The following VAV3 variants were observed in gnomAD, a reference collection of about 807,000 sequenced individuals.
VAV3 encodes guanine nucleotide exchange factor VAV3.
A neutral mutation model predicts 131.2 loss-of-function variants in VAV3; 94 were observed. The observed-to-expected ratio is 0.72, with a 90% CI of 0.61 to 0.85. The LOEUF (loss-of-function observed/expected upper bound fraction) is 0.85, where lower values mean the gene tolerates loss of function less well. Ranked by LOEUF, VAV3 falls within the 40% of genes least tolerant of loss-of-function variation. The pLI, the probability that VAV3 is intolerant of heterozygous loss-of-function variation, is 0.00. For missense variants in VAV3, 939 were observed against 1,002.7 expected (o/e 0.94, Z 0.86); for synonymous variants, 349 against 342.0 (o/e 1.02, Z -0.22).
intron 2 of VAV3, among the ~76,000 whole-genome samples, chr1:107,804,453 T>C (rs1032892047): frequency 2.0e-5 from 3 of 152,212 alleles, no homozygotes; most frequent in African/African-American, 4.8e-5. Context: ...AAAAATCTTG[T>C]AGACATAACA....
At chr1:107,775,287 A>C (rs1665289958) in intron 4 of VAV3, among the ~76,000 whole-genome samples, 1 of 152,168 alleles carries the variant, frequency 6.6e-6, no homozygotes, top group Non-Finnish European at 1.5e-5. Context: ...GTATGGGTTA[A>C]AAAAGAATAT....
At chr1:107,785,635 C>T (rs1328201520) in intron 2 of VAV3, 21 of 1,135,042 alleles carry the variant, frequency 1.9e-5, no homozygotes, top group Admixed American at 5.5e-5. Flanking sequence ...AGGATCAGAG[C>T]AAGTGCCCTG....
chr1:107,796,242 ATGGTCTC>A, intron 2 of VAV3, among the ~76,000 whole-genome samples: 1 of 152,218 alleles, frequency 6.6e-6, no homozygotes, highest in Admixed American at 6.5e-5. Context: ...GCCAGGTCAC[ATGGTCTC>A]TGGGCCCCAG....
intron 25 of VAV3, among the ~76,000 whole-genome samples, chr1:107,575,696 C>G (rs1044038775): frequency 5.9e-5 from 9 of 152,168 alleles, no homozygotes; most frequent in African/African-American, 2.2e-4. Context: ...CCTAACCCCT[C>G]AAGGCCACAT....
intron 17 of VAV3, among the ~76,000 whole-genome samples, chr1:107,699,041 C>T (rs1659921301): frequency 1.3e-5 from 2 of 152,128 alleles, no homozygotes. Flanking sequence ...CTGGCCCCTC[C>T]CAAAACTCAC....
chr1:107,908,408 T>C (rs1192941488), intron 1 of VAV3, among the ~76,000 whole-genome samples: 3 of 152,200 alleles, frequency 2.0e-5, no homozygotes, highest in African/African-American at 7.2e-5. Flanking sequence ...ATTACCAATC[T>C]TCCTTCCCTA....
chr1:107,855,183 C>G (rs1238394676), intron 2 of VAV3, among the ~76,000 whole-genome samples: 2 of 152,168 alleles, frequency 1.3e-5, no homozygotes, highest in African/African-American at 4.8e-5. Flanking sequence ...TGCCTATGTA[C>G]CCCAAAACAA....
intron 22 of VAV3, among the ~76,000 whole-genome samples, chr1:107,608,875 T>C (rs1168387506): frequency 6.6e-6 from 1 of 152,362 alleles, no homozygotes; most frequent in East Asian, 1.9e-4. Context: ...TATTCTGATA[T>C]CTCATTTCTA....
intron 19 of VAV3, among the ~76,000 whole-genome samples, chr1:107,656,183 G>A (rs946974743): frequency 1.3e-5 from 2 of 151,992 alleles, no homozygotes; most frequent in African/African-American, 4.8e-5. Context: ...CATAATAACC[G>A]AAATATGGAA....
rs35693360 is a variant in VAV3 at position 107,891,838 on chromosome 1, CAAAAAAAAAAAA to C, written c.205-16833_205-16822del. Among the ~76,000 whole-genome samples the C allele has an allele frequency of 5.0e-4, 14 of 27,926 alleles. No individual in the cohort carries two copies. The East Asian group carries it at 0.012, about 23-fold the overall frequency. 18.3% of individuals were successfully genotyped at this position (27,926 alleles called of 152,430 possible). A position where few individuals can be genotyped will look rare whatever the true frequency, so the allele number is the denominator to read the frequency against. On this transcript the variant is annotated intron_variant, in intron 1 of 26. Coordinates refer to ENST00000370056, the MANE Select transcript of VAV3 (RefSeq NM_006113.5). ...TGGGGGACACAGCAAGACTCCGTCTCAAAAAAAAAAAAAAAAAAAAAAAAAAGAGCTCAGGGG... is the reference window on the plus strand; with the variant it reads ...TGGGGGACACAGCAAGACTCCGTCTCAAAAAAAAAAAAAAGAGCTCAGGGG...
rs560259475 is a variant in VAV3 at position 107,581,679 on chromosome 1, A to G, written c.2351-7481T>C. ...AGAAAAAGAACACAGTGTTTATGGT[A>G]GGATAAAAAAGTACTAGTGACTGGA... On this transcript the variant is annotated intron_variant, in intron 25 of 26. Transcript: ENST00000370056. Among the ~76,000 whole-genome samples, 3 of 152,344 alleles carry G rather than the reference A, an allele frequency of 2.0e-5. No homozygotes were observed. In the South Asian group the frequency reaches 6.2e-4, roughly 32 times the overall value.
chr1:107,668,901 G>C (rs543037906), intron 19 of VAV3: 1 of 986,432 alleles, frequency 1.0e-6, no homozygotes, highest in South Asian at 4.7e-5. Context: ...GAGGCATGCT[G>C]TAACAGTTAG....
intron 15 of VAV3, among the ~76,000 whole-genome samples, chr1:107,735,093 G>C (rs1183469634): frequency 6.6e-6 from 1 of 152,158 alleles, no homozygotes; most frequent in Non-Finnish European, 1.5e-5. Flanking sequence ...TGAACAACCT[G>C]CTCCTGAATG....
chr1:107,941,506 A>C (rs1462695872), intron 1 of VAV3, among the ~76,000 whole-genome samples: 1 of 152,188 alleles, frequency 6.6e-6, no homozygotes, highest in Non-Finnish European at 1.5e-5. Context: ...TTCCGAGGCC[A>C]ACATCCTTCG....
At chr1:107,620,061 C>T (rs1345325616) in intron 20 of VAV3, among the ~76,000 whole-genome samples, 1 of 152,158 alleles carries the variant, frequency 6.6e-6, no homozygotes, top group Admixed American at 6.5e-5. Flanking sequence ...GTAGTATTCA[C>T]TCCTAGTAGT....
chr1:107,755,388 G>T (rs755535080), intron 12 of VAV3, 39 bp downstream of exon 12: 1 of 1,404,056 alleles, frequency 7.1e-7, no homozygotes, highest in Non-Finnish European at 1.0e-6. Flanking sequence ...TCGTTGATGT[G>T]GGGGTGAGGG....
intron 2 of VAV3, among the ~76,000 whole-genome samples, chr1:107,809,560 A>C (rs1667221179): frequency 6.6e-6 from 1 of 152,130 alleles, no homozygotes; most frequent in East Asian, 1.9e-4. Context: ...TTTTGAGAAA[A>C]CTAAAATTTG....
chr1:107,776,453 G>A (rs1291282070), intron 4 of VAV3, among the ~76,000 whole-genome samples: 1 of 152,192 alleles, frequency 6.6e-6, no homozygotes, highest in African/African-American at 2.4e-5. Flanking sequence ...AGGCCTCTCT[G>A]TAGGGAAATC....
At chr1:107,918,700 T>TAC (rs1230046568) in intron 1 of VAV3, among the ~76,000 whole-genome samples, 9 of 75,926 alleles carry the variant, frequency 1.2e-4, no homozygotes, top group Admixed American at 3.6e-4. Context: ...TATATATATA[T>TAC]ATATATTTTT....
Sources: gnomAD v4.1 joint callset for allele counts (sites outside exome capture counted in the v4.1 genomes callset) on GRCh38, gnomAD v4.1.1 for gene constraint, MANE v1.5 for transcripts, NCBI Gene and HGNC (gene_info 2026-07-23, HGNC 2026-07-21) for gene names.